The following PTPRN2 variants were observed in gnomAD, a reference collection of about 807,000 sequenced individuals.
The protein encoded by PTPRN2 is receptor-type tyrosine-protein phosphatase N2.
A neutral mutation model predicts 118.8 loss-of-function variants in PTPRN2; 74 were observed. The observed-to-expected ratio is 0.62, with a 90% CI of 0.52 to 0.76. The LOEUF (loss-of-function observed/expected upper bound fraction) is 0.76, where lower values mean the gene tolerates loss of function less well. Ranked by LOEUF, PTPRN2 falls within the 30% of genes least tolerant of loss-of-function variation. The probability of loss-of-function intolerance (pLI) is 0.00; values close to 1 mark genes in which losing one functional copy is unlikely to be tolerated. For synonymous variants in PTPRN2, 641 were observed against 608.0 expected (o/e 1.05, Z -0.80); for missense variants, 1,481 against 1,394.4 (o/e 1.06, Z -0.99).
chr7:158,064,200 C>T (rs751303509), intron 11 of PTPRN2, among the ~76,000 whole-genome samples: 5 of 152,340 alleles, frequency 3.3e-5, no homozygotes, highest in Non-Finnish European at 7.3e-5. Context: ...GTTCATCTAA[C>T]AAACAGGCAT....
At position 158,587,795 on chromosome 7, in the gene PTPRN2, C is replaced by G; in HGVS notation, c.-126G>C. 3 of 930,488 alleles carry G rather than the reference C, an allele frequency of 3.2e-6. No individual in the cohort carries two copies. Among genetic ancestry groups the G allele is most frequent in the Non-Finnish European group, 3.9e-6 (3 of 778,260 alleles). 57.6% of individuals were successfully genotyped at this position (930,488 alleles called of 1,614,324 possible). A position where few individuals can be genotyped will look rare whatever the true frequency, so the allele number is the denominator to read the frequency against. ...CGCCGCGCCTCTCGCGCTCTTGCGG[C>G]GACGCCGGGCCGAGCTTCAGCACCG... On this transcript the variant is annotated 5_prime_UTR_variant, in exon 1 of 23. Transcript: ENST00000389418.
chr7:157,669,906 A>T (rs1052037370), intron 13 of PTPRN2, among the ~76,000 whole-genome samples: 17 of 152,122 alleles, frequency 1.1e-4, no homozygotes, highest in Non-Finnish European at 2.1e-4. Flanking sequence ...TTTCACGTCC[A>T]TACCCCTGCC....
rs1355419119 is a variant in PTPRN2, at chr7:158,446,558, G to GC, written c.163+43176dup. Among the ~76,000 whole-genome samples the GC allele has an allele frequency of 2.6e-5, 4 of 152,116 alleles. No homozygotes were observed. The South Asian group carries it at 8.3e-4, about 32-fold the overall frequency. On this transcript the variant is annotated intron_variant, in intron 2 of 22. Transcript: ENST00000389418. Reference sequence around the variant, plus strand: ...CCACCCGGACTCTGCCTGGGCCACAGCCGCCCCCGGCGGGCAGACCCCACC... The same window carrying GC: ...CCACCCGGACTCTGCCTGGGCCACAGCCCGCCCCCGGCGGGCAGACCCCACC...
At chr7:158,485,189 C>T (rs1346593362) in intron 2 of PTPRN2, among the ~76,000 whole-genome samples, 1 of 152,094 alleles carries the variant, frequency 6.6e-6, no homozygotes, top group Non-Finnish European at 1.5e-5. Context: ...GCTGAGCCAT[C>T]CTCCCCCACC....
At chr7:157,635,093 A>G (rs1804228793) in intron 14 of PTPRN2, among the ~76,000 whole-genome samples, 1 of 152,246 alleles carries the variant, frequency 6.6e-6, no homozygotes, top group African/African-American at 2.4e-5. Flanking sequence ...AGCCAACGCC[A>G]CGTATATTGA....
At chr7:157,645,866 G>A (rs879428964) in intron 14 of PTPRN2, among the ~76,000 whole-genome samples, 5 of 152,186 alleles carry the variant, frequency 3.3e-5, no homozygotes, top group Admixed American at 1.3e-4. Flanking sequence ...AAACCAGCCC[G>A]GGACTTGCTT....
chr7:158,017,219 A>C (rs896108302), intron 11 of PTPRN2, among the ~76,000 whole-genome samples: 2 of 152,198 alleles, frequency 1.3e-5, no homozygotes, highest in Admixed American at 6.5e-5. Context: ...AAAATGAAGG[A>C]GCTTGTTTCA....
At chr7:158,578,338 CA>C (rs1828447345) in intron 1 of PTPRN2, among the ~76,000 whole-genome samples, 1 of 148,212 alleles carries the variant, frequency 6.7e-6, no homozygotes. Context: ...CCTATAATCT[CA>C]GCAGTTTGGG....
intron 12 of PTPRN2, among the ~76,000 whole-genome samples, chr7:157,854,371 C>T (rs190037661): frequency 9.9e-4 from 151 of 152,360 alleles, no homozygotes; most frequent in African/African-American, 3.1e-3. Flanking sequence ...GCTGTGCAAT[C>T]GGCACACCCA....
rs1414054817 is a variant in PTPRN2 at position 158,015,959 on chromosome 7, C to T, written c.1723+65339G>A. On this transcript the variant is annotated intron_variant, in intron 11 of 22. Transcript: ENST00000389418. This position sits in a 1 kb window ranked among gnomAD's most constrained non-coding sequence, Gnocchi z 4.2. ...CTTTCCTCACACGTGGCAGGGACGGCTGTGGGGTCCCAGTGTGTCACCTGC... is the reference window on the plus strand; with the variant it reads ...CTTTCCTCACACGTGGCAGGGACGGTTGTGGGGTCCCAGTGTGTCACCTGC... Among the ~76,000 whole-genome samples the T allele has an allele frequency of 3.9e-5, 6 of 152,270 alleles. No homozygotes were observed. The highest frequency in any genetic ancestry group is 7.4e-5 in the Non-Finnish European group (5 of 68,010).
rs1563177905 is a variant in PTPRN2 at position 158,341,548 on chromosome 7, GCAGACGTCACTC to G, written c.164-24628_164-24617del. 8.9e-4 allele frequency among the ~76,000 whole-genome samples: 107 copies of G among 119,670 alleles called. 3 individuals carry two copies. Among genetic ancestry groups the G allele is most frequent in the Admixed American group, 1.0e-3 (12 of 11,496 alleles). 78.5% of individuals were successfully genotyped at this position (119,670 alleles called of 152,430 possible). The stretch of plus-strand genomic sequence containing the variant: ...ACTCTCACCATAAGAGGTGACATCT[GCAGACGTCACTC>G]ACACCCACACTCTCACCATAAGAGG... On this transcript the variant is annotated intron_variant, in intron 2 of 22. Coordinates refer to ENST00000389418, the MANE Select transcript of PTPRN2 (RefSeq NM_002847.5).
rs186935524 is a variant in PTPRN2, at chr7:157,784,993, G to A, written c.1789-102056C>T. On this transcript the variant is annotated intron_variant, in intron 12 of 22. Transcript: ENST00000389418. This position sits in a 1 kb window ranked among gnomAD's most constrained non-coding sequence, Gnocchi z 4.6. The stretch of plus-strand genomic sequence containing the variant: ...GAGGGAGCCGAGGCCCTCTGTCCAG[G>A]CGGCTGAGGTCACGCGGTCTCTTCA... 2.8e-3 allele frequency among the ~76,000 whole-genome samples: 429 copies of A among 152,318 alleles called. 2 individuals carry two copies. The Middle Eastern group carries it at 0.031, about 11-fold the overall frequency.
At chr7:157,774,279 A>G (rs963622294) in intron 12 of PTPRN2, among the ~76,000 whole-genome samples, 51 of 152,358 alleles carry the variant, frequency 3.3e-4, no homozygotes, top group Non-Finnish European at 3.7e-4. Context: ...TGAATAGAAT[A>G]TGCACCATCC....
At chr7:158,586,900 G>C (rs1482744770) in intron 1 of PTPRN2, among the ~76,000 whole-genome samples, 1 of 152,248 alleles carries the variant, frequency 6.6e-6, no homozygotes, top group East Asian at 1.9e-4. Context: ...GGAGTGCCGA[G>C]TGGCGGGGCT....
In PTPRN2 at chr7:158,371,714, C is replaced by T. The variant is rs137961263; in HGVS notation, c.164-54782G>A. On this transcript the variant is annotated intron_variant, in intron 2 of 22. Transcript: ENST00000389418. ...ATGTTCTAAGGAAATGATTCATATGCGGAAAACCGTTCGTTTTCAAAGATG... is the reference window on the plus strand; with the variant it reads ...ATGTTCTAAGGAAATGATTCATATGTGGAAAACCGTTCGTTTTCAAAGATG... 4.8e-3 allele frequency among the ~76,000 whole-genome samples: 732 copies of T among 152,222 alleles called. 9 individuals carry two copies. The highest frequency in any genetic ancestry group is 0.016 in the African/African-American group (679 of 41,540).
intron 5 of PTPRN2, among the ~76,000 whole-genome samples, chr7:158,168,767 G>A (rs1303265276): frequency 3.3e-5 from 5 of 152,140 alleles, no homozygotes; most frequent in Admixed American, 2.0e-4. Context: ...TCCGTTAAGA[G>A]GACATGTCCT....
intron 3 of PTPRN2, among the ~76,000 whole-genome samples, chr7:158,313,614 C>T (rs1415014538): frequency 6.6e-6 from 1 of 152,032 alleles, no homozygotes; most frequent in Non-Finnish European, 1.5e-5. Flanking sequence ...CTGGGACCCC[C>T]CTATCCCCAT....
chr7:157,825,260 C>G (rs1021209970), intron 12 of PTPRN2, among the ~76,000 whole-genome samples: 7 of 152,146 alleles, frequency 4.6e-5, no homozygotes, highest in African/African-American at 1.7e-4. Flanking sequence ...TCTTCTTCCC[C>G]CTTCCTGCTG....
At chr7:157,857,277 G>C (rs1262325479) in intron 12 of PTPRN2, 1 of 152,310 alleles carries the variant, frequency 6.6e-6, no homozygotes, top group Non-Finnish European at 1.5e-5. Context: ...CACCGTTCCT[G>C]TTTTCCCTCA....
Sources: gnomAD v4.1 joint callset for allele counts (sites outside exome capture counted in the v4.1 genomes callset) on GRCh38, gnomAD v4.1.1 for gene constraint, Gnocchi (gnomAD v3.1) non-coding constraint, MANE v1.5 for transcripts, NCBI Gene and HGNC (gene_info 2026-07-23, HGNC 2026-07-21) for gene names.